The following SEC24C variants were observed in gnomAD, a reference collection of about 807,000 sequenced individuals.
SEC24C encodes the protein SEC24 homolog C, COPII component, also known as protein transport protein Sec24C.
A neutral mutation model predicts 117.0 loss-of-function variants in SEC24C; 22 were observed. The ratio of observed to expected loss-of-function variants is 0.19; its 90% CI spans 0.13 to 0.27. The LOEUF is 0.27. SEC24C is among the 10% of genes least tolerant of loss of function. The pLI, the probability that SEC24C is intolerant of heterozygous loss-of-function variation, is 1.00. For synonymous variants in SEC24C, 506 were observed against 529.4 expected (o/e 0.96, Z 0.61); for missense variants, 1,155 against 1,375.1 (o/e 0.84, Z 2.53).
At position 73,760,196 on chromosome 10, in the gene SEC24C, T is replaced by A; in HGVS notation, c.660T>A (p.Gly220=). Residue 220 remains glycine (G), a synonymous_variant, in exon 5 of 23, where the codon GGT becomes GGA. Transcript: ENST00000345254. Reference sequence around the variant, plus strand: ...GCTTCACACCCCCAGCTTCAGGGGGTCCTCGGCTGCCTTCGATGACTGGTC... The same window carrying A: ...GCTTCACACCCCCAGCTTCAGGGGGACCTCGGCTGCCTTCGATGACTGGTC... ...ASSFTPPASG[G]PRLPSMTGPL... 1 of 1,613,912 alleles carries A rather than the reference T, an allele frequency of 6.2e-7. No individual in the cohort carries two copies. Among genetic ancestry groups the A allele is most frequent in the Non-Finnish European group, 8.5e-7 (1 of 1,179,976 alleles).
chr10:73,767,938 GGAT>G lies in SEC24C; in HGVS notation c.2114_2116del (p.Asp705del). On this transcript the variant is annotated inframe_deletion, in exon 15 of 23. Coordinates refer to ENST00000345254, the MANE Select transcript of SEC24C (RefSeq NM_198597.3). Reference sequence around the variant, plus strand: ...TCTTTCTCTTCCCTAACCAGTATGTGGATGTGGCCACACTCTCTGTTGTGCCCC... The same window carrying G: ...TCTTTCTCTTCCCTAACCAGTATGTGGTGGCCACACTCTCTGTTGTGCCCC... The G allele has an allele frequency of 6.8e-7, 1 of 1,472,060 alleles. No homozygotes were observed. The highest frequency in any genetic ancestry group is 9.0e-7 in the Non-Finnish European group (1 of 1,106,078). 91.2% of individuals were successfully genotyped at this position (1,472,060 alleles called of 1,614,324 possible).
intron 6 of SEC24C, chr10:73,762,275 C>T: frequency 2.8e-6 from 2 of 725,408 alleles, no homozygotes; most frequent in Non-Finnish European, 4.2e-6. Flanking sequence ...CCTCCCCATT[C>T]TCTTCCTTTA....
rs1159104849 is a variant in SEC24C at position 73,756,824 on chromosome 10, C to T, written c.309-2798C>T. ...CCATGTTGGCCAGGCTGGTCTTGAA[C>T]TGACCTCAAGTGATTCACCTGTGTT... is the stretch of plus-strand genomic sequence containing the variant. On this transcript the variant is annotated intron_variant, in intron 3 of 22. Transcript: ENST00000345254. 2.7e-5 allele frequency among the ~76,000 whole-genome samples: 4 copies of T among 150,092 alleles called. 1 individual carries two copies. The highest frequency in any genetic ancestry group is 5.9e-5 in the Non-Finnish European group (4 of 67,734).
intron 8 of SEC24C, 124 bp from the exon 9 acceptor site, chr10:73,765,327 T>C: frequency 1.9e-6 from 2 of 1,027,054 alleles, no homozygotes; most frequent in East Asian, 2.4e-5. Flanking sequence ...TTGTGCTCCC[T>C]ACTCCCTCTG....
chr10:73,760,449 T>G, intron 5 of SEC24C, 63 bp downstream of exon 5: 1 of 1,497,684 alleles, frequency 6.7e-7, no homozygotes, highest in Non-Finnish European at 8.9e-7. Flanking sequence ...TGGTTTTTGA[T>G]GTTTTTTATT....
chr10:73,765,974 G>A, intron 10 of SEC24C, 59 bp downstream of exon 10: 1 of 1,577,790 alleles, frequency 6.3e-7, no homozygotes, highest in Middle Eastern at 1.7e-4. Context: ...AGCTGAGAAT[G>A]GCTGTTATCA....
chr10:73,760,286 T>G lies in SEC24C; in HGVS notation c.750T>G (p.Pro250=). ...GCCAGCCCAACCATGTGTCTTCACCTCCTCAAGCTCTGCCCCCTGGCACCC... is the reference window on the plus strand; with the variant it reads ...GCCAGCCCAACCATGTGTCTTCACCGCCTCAAGCTCTGCCCCCTGGCACCC... The part of the protein sequence containing the change: ...SVSQPNHVSS[P]PQALPPGTQM... Residue 250 remains proline (P), a synonymous_variant, in exon 5 of 23, where the codon CCT becomes CCG. Coordinates refer to ENST00000345254, the MANE Select transcript of SEC24C (RefSeq NM_198597.3). The G allele has an allele frequency of 6.2e-7, 1 of 1,613,876 alleles. No homozygotes were observed. The highest frequency in any genetic ancestry group is 1.3e-5 in the African/African-American group (1 of 75,008).
intron 8 of SEC24C, among the ~76,000 whole-genome samples, chr10:73,764,661 C>T (rs1461816712): frequency 6.6e-6 from 1 of 152,092 alleles, no homozygotes; most frequent in African/African-American, 2.4e-5. Flanking sequence ...TCCTGTCATC[C>T]CAGGTTAGTG....
At chr10:73,766,647 G>T in intron 12 of SEC24C, 106 bp downstream of exon 12, 8 of 1,445,390 alleles carry the variant, frequency 5.5e-6, no homozygotes, top group Non-Finnish European at 7.6e-6. Context: ...AAGGGGTTGT[G>T]GCCCAGGAGT....
At chr10:73,746,343 C>T (rs1488714475) in intron 1 of SEC24C, among the ~76,000 whole-genome samples, 1 of 152,048 alleles carries the variant, frequency 6.6e-6, no homozygotes, top group East Asian at 1.9e-4. Context: ...AGATTTTTAG[C>T]CTGATTGATT....
chr10:73,757,216 A>ATTTT, intron 3 of SEC24C, among the ~76,000 whole-genome samples: 1 of 133,414 alleles, frequency 7.5e-6, no homozygotes, highest in East Asian at 2.3e-4. Context: ...ACCTGGCCTA[A>ATTTT]TTTTTTTTTT....
intron 12 of SEC24C, 38 bp downstream of exon 12, chr10:73,766,579 C>A (rs774572036): frequency 6.4e-7 from 1 of 1,571,482 alleles, no homozygotes; most frequent in Non-Finnish European, 8.6e-7. Context: ...TTGGGGGTGG[C>A]ATGGGTACCA....
chr10:73,770,006 C>T lies in SEC24C; in HGVS notation c.2853C>T (p.Leu951=). ...CCAATGTCTTCTTCTACCCTCGGCT[C>T]TTACCTTTGGTGCGATTGAGGGTTG... is the stretch of plus-strand genomic sequence containing the variant. ...TETNVFFYPR[L]LPLTKSPVES... The change falls in exon 20 of 23, where the codon CTC becomes CTT. Residue 951 remains leucine (L), a synonymous_variant. Transcript: ENST00000345254. 2 of 1,614,096 alleles carry T rather than the reference C, an allele frequency of 1.2e-6. No individual in the cohort carries two copies. The highest frequency in any genetic ancestry group is 1.7e-6 in the Non-Finnish European group (2 of 1,179,988).
intron 3 of SEC24C, among the ~76,000 whole-genome samples, chr10:73,754,048 G>C (rs1032731863): frequency 4.6e-5 from 7 of 152,188 alleles, no homozygotes; most frequent in African/African-American, 1.7e-4. Flanking sequence ...TATAGCCCAG[G>C]GAAGCCAAAA....
rs1367988617 is a variant in SEC24C at position 73,771,091 on chromosome 10, G to A, written c.3281G>A (p.Ser1094Asn). ...CACAAGGAGATTCGGCAGCTACTGA[G>A]CTAAAGCAAGTGGGTAAATGGCATA... The part of the protein sequence containing the change: ...HMHKEIRQLL[S>N] Residue 1094 changes from serine to asparagine, a missense_variant, in exon 23 of 23, where the codon AGC becomes AAC. Coordinates refer to ENST00000345254, the MANE Select transcript of SEC24C (RefSeq NM_198597.3). 4 of 1,613,764 alleles carry A rather than the reference G, an allele frequency of 2.5e-6. No individual in the cohort carries two copies. Among genetic ancestry groups the A allele is most frequent in the African/African-American group, 2.7e-5 (2 of 74,894 alleles).
At chr10:73,766,255 G>T (rs374857675) in intron 11 of SEC24C, 45 bp downstream of exon 11, 2 of 1,593,656 alleles carry the variant, frequency 1.3e-6, no homozygotes. Flanking sequence ...TAATGATAGG[G>T]TGTCTGGGTT....
Position 73,768,792 on chromosome 10 carries a change from G to C in SEC24C, c.2182-18G>C. 6.2e-7 allele frequency: 1 copy of C among 1,611,866 alleles called. No homozygotes were observed. The highest frequency in any genetic ancestry group is 8.5e-7 in the Non-Finnish European group (1 of 1,179,562). ...TATGTCTAGTCAGTGACATGACTCT[G>C]GACCTGGGGGCCTGCAGGTGGAGAA... On this transcript the variant is annotated intron_variant, in intron 15 of 22. Transcript: ENST00000345254.
intron 6 of SEC24C, among the ~76,000 whole-genome samples, chr10:73,762,331 C>T (rs2082810255): frequency 6.6e-6 from 1 of 152,128 alleles, no homozygotes; most frequent in African/African-American, 2.4e-5. Context: ...AAAGGATATG[C>T]ATGCCTCAAG....
intron 3 of SEC24C, among the ~76,000 whole-genome samples, chr10:73,756,096 C>G (rs998410843): frequency 3.9e-5 from 6 of 152,126 alleles, no homozygotes; most frequent in African/African-American, 1.4e-4. Context: ...AGGTGAACCG[C>G]CCACCTTGGC....
Sources: gnomAD v4.1 joint callset for allele counts (sites outside exome capture counted in the v4.1 genomes callset) on GRCh38, gnomAD v4.1.1 for gene constraint, MANE v1.5 for transcripts, NCBI Gene and HGNC (gene_info 2026-07-23, HGNC 2026-07-21) for gene names.